Variants in PEX26 observed in about 807,000 individuals in gnomAD.
PEX26 encodes the protein peroxisome assembly protein 26.
In PEX26, 18 loss-of-function variants were observed where a neutral mutation model predicts 31.4. The ratio of observed to expected loss-of-function variants is 0.57; its 90% confidence interval spans 0.40 to 0.85. PEX26 has a LOEUF of 0.85. Ranked by LOEUF, PEX26 falls within the 40% of genes least tolerant of loss-of-function variation. The pLI is 0.00. For synonymous variants in PEX26, 176 were observed against 166.9 expected (o/e 1.05, Z -0.42); for missense variants, 377 against 383.9 (o/e 0.98, Z 0.15).
chr22:18,078,016 A>G lies in PEX26; in HGVS notation c.-361A>G, dbSNP rs540649997. On this transcript the variant is annotated 5_prime_UTR_variant, in exon 1 of 5. Coordinates refer to ENST00000399744, the MANE Select transcript of PEX26 (RefSeq NM_001127649.3). ...CGCGGCTGCGGGGCTGGGCGAGCGC[A>G]AAGATGTCCGCGCCCGCTGCCGGGA... is the stretch of plus-strand genomic sequence containing the variant. The G allele has an allele frequency of 2.1e-6, 1 of 466,548 alleles. No homozygotes were observed. The highest frequency in any genetic ancestry group is 2.0e-5 in the African/African-American group (1 of 50,588). 28.9% of individuals were successfully genotyped at this position (466,548 alleles called of 1,614,324 possible).
rs775839259 is a variant in PEX26 at position 18,088,179 on chromosome 22, C to A, written c.*104C>A. On this transcript the variant is annotated 3_prime_UTR_variant, in exon 5 of 5. Transcript: ENST00000399744. The surrounding 1 kb of genome is among the most constrained non-coding windows in gnomAD (Gnocchi z 4.1). ...GGCGCCCCTGGGGAAATGGGACCAG[C>A]CTAATCTCGCGGAGTGCACTGTGTC... The A allele has an allele frequency of 3.6e-6, 3 of 830,084 alleles. No individual in the cohort carries two copies. The highest frequency in any genetic ancestry group is 2.6e-5 in the South Asian group (2 of 75,602). The allele number at this position is 830,084 out of a possible 1,614,324, so 51.4% of individuals were successfully genotyped here. A position where few individuals can be genotyped will look rare whatever the true frequency, so the allele number is the denominator to read the frequency against.
In PEX26 at chr22:18,094,091, A is replaced by T. The variant is rs1489164800; in HGVS notation, c.*6016A>T. The T allele has an allele frequency of 6.6e-6, 1 of 152,266 alleles. No homozygotes were observed. The highest frequency in any genetic ancestry group is 2.4e-5 in the African/African-American group (1 of 41,464). The allele number at this position is 152,266 out of a possible 1,614,324, so 9.4% of individuals were successfully genotyped here. On this transcript the variant is annotated 3_prime_UTR_variant, in exon 5 of 5. Coordinates refer to ENST00000399744, the MANE Select transcript of PEX26 (RefSeq NM_001127649.3). ...GCTCGTATTTTCCAACAGCCCCTTT[A>T]AAACTTTTAGCATCCTCTTGTCACT...
At position 18,095,213 on chromosome 22, in the gene PEX26, GTT is replaced by G. The variant is rs1927255773; in HGVS notation, c.*7140_*7141del. On this transcript the variant is annotated 3_prime_UTR_variant, in exon 5 of 5. Coordinates refer to ENST00000399744, the MANE Select transcript of PEX26 (RefSeq NM_001127649.3). ...GGGAGGGCTCTGTGCTTTGGCATCT[GTT>G]TAGTAGTATCGTCGCCCAGCTCCCT... 6.6e-6 allele frequency: 1 copy of G among 152,218 alleles called. No individual in the cohort carries two copies. Among genetic ancestry groups the G allele is most frequent in the African/African-American group, 2.4e-5 (1 of 41,436 alleles). The allele number at this position is 152,218 out of a possible 1,614,324, so 9.4% of individuals were successfully genotyped here.
At position 18,105,265 on chromosome 22, in the gene PEX26, C is replaced by G. The variant is rs1927581888; in HGVS notation, c.*17190C>G. 6.6e-6 allele frequency: 1 copy of G among 152,216 alleles called. No homozygotes were observed. The highest frequency in any genetic ancestry group is 2.4e-5 in the African/African-American group (1 of 41,450). The allele number at this position is 152,216 out of a possible 1,614,324, so 9.4% of individuals were successfully genotyped here. On this transcript the variant is annotated 3_prime_UTR_variant, in exon 5 of 5. Coordinates refer to ENST00000399744, the MANE Select transcript of PEX26 (RefSeq NM_001127649.3). ...CCCTTCCAGATCCAGTTGAGCTCTG[C>G]TCTGGAGCCAGACTCTCTGAAGCAT... is the stretch of plus-strand genomic sequence containing the variant.
At position 18,095,272 on chromosome 22, in the gene PEX26, A is replaced by G. The variant is rs1200701735; in HGVS notation, c.*7197A>G. 1 of 152,180 alleles carries G rather than the reference A, an allele frequency of 6.6e-6. No individual in the cohort carries two copies. Among genetic ancestry groups the G allele is most frequent in the Non-Finnish European group, 1.5e-5 (1 of 68,052 alleles). The allele number at this position is 152,180 out of a possible 1,614,324, so 9.4% of individuals were successfully genotyped here. On this transcript the variant is annotated 3_prime_UTR_variant, in exon 5 of 5. Transcript: ENST00000399744. ...AAAGAGCAGGAGGTGTTCTTCTCAG[A>G]TGTACCAGCAATGACAAAGCCTGGC...
In PEX26 at chr22:18,078,072, G is replaced by T. The variant is rs751008716; in HGVS notation, c.-305G>T. The T allele has an allele frequency of 3.4e-5, 19 of 559,176 alleles. No homozygotes were observed. Among genetic ancestry groups the T allele is most frequent in the South Asian group, 1.4e-4 (9 of 65,482 alleles). 34.6% of individuals were successfully genotyped at this position (559,176 alleles called of 1,614,324 possible). On this transcript the variant is annotated 5_prime_UTR_variant, in exon 1 of 5. Coordinates refer to ENST00000399744, the MANE Select transcript of PEX26 (RefSeq NM_001127649.3). ...GGTGAGTCTTTGATCGTAACCAGGAGCCCGGAGCTGAGGCAGTTCCTGCAC... is the reference window on the plus strand; with the variant it reads ...GGTGAGTCTTTGATCGTAACCAGGATCCCGGAGCTGAGGCAGTTCCTGCAC...
At position 18,079,889 on chromosome 22, in the gene PEX26, G is replaced by A. The variant is rs1926478680; in HGVS notation, c.246G>A (p.Lys82=). Residue 82 remains lysine (K), a synonymous_variant, in exon 2 of 5, where the codon AAG becomes AAA. Coordinates refer to ENST00000399744, the MANE Select transcript of PEX26 (RefSeq NM_001127649.3). Reference sequence around the variant, plus strand: ...CTGCTGACAGCTCATTGGAGGTGAAGTGCTCCCTGTGTGTTGTGGGGATCC... The same window carrying A: ...CTGCTGACAGCTCATTGGAGGTGAAATGCTCCCTGTGTGTTGTGGGGATCC... ...EEPAGTSLEV[K]CSLCVVGIQA... 1 of 1,614,144 alleles carries A rather than the reference G, an allele frequency of 6.2e-7. No homozygotes were observed. The highest frequency in any genetic ancestry group is 1.1e-5 in the South Asian group (1 of 91,078).
chr22:18,086,894 A>G (rs1034474767), intron 4 of PEX26, among the ~76,000 whole-genome samples: 2 of 151,012 alleles, frequency 1.3e-5, no homozygotes, highest in African/African-American at 4.9e-5. Context: ...TTATTTATTT[A>G]TTTTTATTTT....
At position 18,078,495 on chromosome 22, in the gene PEX26, A is replaced by C. The variant is rs1158271855; in HGVS notation, c.119A>C (p.Glu40Ala). Residue 40 changes from glutamate to alanine, a missense_variant, in exon 1 of 5, where the codon GAG (glutamate) becomes GCG (alanine). By Grantham distance (107) the Glu-to-Ala change is moderately radical (BLOSUM62 -1). Transcript: ENST00000399744. The stretch of plus-strand genomic sequence containing the variant: ...GCGCCGGCCGTGGACCTTCTGGAGG[A>C]GGCGGCCGACCTCCTGGTGGTGCAC... ...ARAPAVDLLE[E>A]AADLLVVHLD... 5 of 1,570,956 alleles carry C rather than the reference A, an allele frequency of 3.2e-6. No homozygotes were observed. In the African/African-American group the frequency reaches 4.0e-5, roughly 13 times the overall value.
Position 18,102,093 on chromosome 22 carries a change from T to C in PEX26, c.*14018T>C, listed in dbSNP as rs1460308197. 5 of 152,246 alleles carry C rather than the reference T, an allele frequency of 3.3e-5. No individual in the cohort carries two copies. Among genetic ancestry groups the C allele is most frequent in the South Asian group, 2.1e-4 (1 of 4,820 alleles). 9.4% of individuals were successfully genotyped at this position (152,246 alleles called of 1,614,324 possible). A position where few individuals can be genotyped will look rare whatever the true frequency, so the allele number is the denominator to read the frequency against. ...TTCATTTAAAAGAAAAAAAAGTTCA[T>C]GCCAAAGCTGCTGGGACAAAGAGGA... On this transcript the variant is annotated 3_prime_UTR_variant, in exon 5 of 5. Transcript: ENST00000399744.
In PEX26 at chr22:18,080,027, T is replaced by G; in HGVS notation, c.371+13T>G. The G allele has an allele frequency of 1.2e-6, 2 of 1,614,046 alleles. No individual in the cohort carries two copies. Among genetic ancestry groups the G allele is most frequent in the Middle Eastern group, 1.6e-4 (1 of 6,062 alleles). Reference sequence around the variant, plus strand: ...TCCTGGAGCTGTGGTAAGTCTTCTTTGCTGACTCATCAGATCGGTTCAGAA... The same window carrying G: ...TCCTGGAGCTGTGGTAAGTCTTCTTGGCTGACTCATCAGATCGGTTCAGAA... On this transcript the variant is annotated intron_variant, in intron 2 of 4. Transcript: ENST00000399744.
At chr22:18,080,108 A>C in intron 2 of PEX26, 94 bp downstream of exon 2, 4 of 1,346,618 alleles carry the variant, frequency 3.0e-6, no homozygotes, top group Non-Finnish European at 4.2e-6. Flanking sequence ...CTTCCCTACT[A>C]TTGCCCTCCA....
rs778782682 is a variant in PEX26, at chr22:18,078,512, G to A, written c.136G>A (p.Val46Met). 1 of 1,572,616 alleles carries A rather than the reference G, an allele frequency of 6.4e-7. No homozygotes were observed. The highest frequency in any genetic ancestry group is 8.6e-7 in the Non-Finnish European group (1 of 1,162,364). ...TCTGGAGGAGGCGGCCGACCTCCTG[G>A]TGGTGCACCTGGACTTCCGGGCGGC... ...DLLEEAADLLVVHLDFRAALE... is the reference protein window; with the variant it reads ...DLLEEAADLLMVHLDFRAALE... The change falls in exon 1 of 5, where the codon GTG (valine) becomes ATG (methionine). Residue 46 changes from valine (V) to methionine (M), a missense_variant. By Grantham distance (21) the Val-to-Met change is conservative (BLOSUM62 1). Coordinates refer to ENST00000399744, the MANE Select transcript of PEX26 (RefSeq NM_001127649.3).
intron 2 of PEX26, among the ~76,000 whole-genome samples, chr22:18,081,870 G>A (rs889547459): frequency 2.0e-5 from 3 of 152,072 alleles, no homozygotes; most frequent in South Asian, 2.1e-4. Context: ...ATCCTCACCC[G>A]CACCAACACT....
In PEX26 at chr22:18,091,561, C is replaced by T. The variant is rs1927098935; in HGVS notation, c.*3486C>T. ...GCTGAGGCAGGAGAATCACTTGAAC[C>T]CGGGAGGCAAGGGTTGCAGTGAGCT... is the stretch of plus-strand genomic sequence containing the variant. On this transcript the variant is annotated 3_prime_UTR_variant, in exon 5 of 5. Transcript: ENST00000399744. The T allele has an allele frequency of 6.6e-6, 1 of 152,260 alleles. No homozygotes were observed. 9.4% of individuals were successfully genotyped at this position (152,260 alleles called of 1,614,324 possible).
In PEX26 at chr22:18,094,549, A is replaced by C. The variant is rs1927232409; in HGVS notation, c.*6474A>C. 1 of 152,228 alleles carries C rather than the reference A, an allele frequency of 6.6e-6. No homozygotes were observed. Among genetic ancestry groups the C allele is most frequent in the Admixed American group, 6.5e-5 (1 of 15,280 alleles). 9.4% of individuals were successfully genotyped at this position (152,228 alleles called of 1,614,324 possible). A position where few individuals can be genotyped will look rare whatever the true frequency, so the allele number is the denominator to read the frequency against. On this transcript the variant is annotated 3_prime_UTR_variant, in exon 5 of 5. Transcript: ENST00000399744. ...GACCTCAACATAATTTACATGGAGAAGTTTCTTAGGTGGAAAACCGATTTG... is the reference window on the plus strand; with the variant it reads ...GACCTCAACATAATTTACATGGAGACGTTTCTTAGGTGGAAAACCGATTTG...
chr22:18,087,474 A>G (rs367692557), intron 4 of PEX26, among the ~76,000 whole-genome samples: 7 of 152,344 alleles, frequency 4.6e-5, no homozygotes, highest in East Asian at 1.9e-4. Flanking sequence ...CTTTACAAAG[A>G]AGTCACGAGT....
rs1205074790 is a variant in PEX26, at chr22:18,095,845, CAG to C, written c.*7773_*7774del. 1 of 149,950 alleles carries C rather than the reference CAG, an allele frequency of 6.7e-6. No homozygotes were observed. Among genetic ancestry groups the C allele is most frequent in the African/African-American group, 2.5e-5 (1 of 40,676 alleles). The allele number at this position is 149,950 out of a possible 1,614,324, so 9.3% of individuals were successfully genotyped here. ...AAGTTTGTATCTTTTTTTTTTGAGA[CAG>C]AGTCTCACTCTGTCGTCCAAGCTGG... is the stretch of plus-strand genomic sequence containing the variant. On this transcript the variant is annotated 3_prime_UTR_variant, in exon 5 of 5. Transcript: ENST00000399744.
chr22:18,094,147 G>A lies in PEX26; in HGVS notation c.*6072G>A, dbSNP rs1288597320. ...ACTATCCAAGGTGGGACGGACAGGT[G>A]TCAGATAATAGCAGAGACTTGGTGA... On this transcript the variant is annotated 3_prime_UTR_variant, in exon 5 of 5. Coordinates refer to ENST00000399744, the MANE Select transcript of PEX26 (RefSeq NM_001127649.3). 4.6e-5 allele frequency: 7 copies of A among 152,192 alleles called. No homozygotes were observed. The highest frequency in any genetic ancestry group is 1.7e-4 in the African/African-American group (7 of 41,432). The allele number at this position is 152,192 out of a possible 1,614,324, so 9.4% of individuals were successfully genotyped here. A position where few individuals can be genotyped will look rare whatever the true frequency, so the allele number is the denominator to read the frequency against.
Sources: allele counts gnomAD v4.1 joint callset (sites outside exome capture counted in the v4.1 genomes callset), GRCh38; gene constraint gnomAD v4.1.1; non-coding constraint Gnocchi (gnomAD v3.1); transcripts MANE v1.5; gene names NCBI Gene and HGNC (gene_info 2026-07-23, HGNC 2026-07-21).